NDE1: variants seen among roughly 807,000 people sequenced by gnomAD.
NDE1 encodes nudE neurodevelopment protein 1, also known as nuclear distribution protein nudE homolog 1.
NDE1 carries 28 observed loss-of-function variants against 43.4 expected under a neutral mutation model. The observed-to-expected ratio is 0.65, with a 90% confidence interval of 0.48 to 0.89. The LOEUF (loss-of-function observed/expected upper bound fraction) is 0.89, where lower values mean the gene tolerates loss of function less well. Ranked by LOEUF, NDE1 falls within the 40% of genes least tolerant of loss-of-function variation. The probability of loss-of-function intolerance (pLI) is 0.00; values close to 1 mark genes in which losing one functional copy is unlikely to be tolerated. For synonymous variants in NDE1, 184 were observed against 172.0 expected (o/e 1.07, Z -0.55); for missense variants, 441 against 434.1 (o/e 1.02, Z -0.14).
chr16:15,724,566 C>T lies in NDE1; in HGVS notation c.*315C>T, dbSNP rs1004970305. The T allele has an allele frequency of 1.2e-5, 20 of 1,609,676 alleles. No individual in the cohort carries two copies. The African/African-American group carries it at 2.5e-4, about 20-fold the overall frequency. ...GTCAAGCACCATCGCACCAACACTC[C>T]ACCGCGATCTGCCTGCGGGGGATCT... On this transcript the variant is annotated 3_prime_UTR_variant, in exon 9 of 9. Coordinates refer to ENST00000396354, the MANE Select transcript of NDE1 (RefSeq NM_017668.3).
At position 15,677,781 on chromosome 16, in the gene NDE1, G is replaced by A. The variant is rs768247069; in HGVS notation, c.238-20G>A. 2 of 1,614,016 alleles carry A rather than the reference G, an allele frequency of 1.2e-6. No individual in the cohort carries two copies. The highest frequency in any genetic ancestry group is 2.2e-5 in the South Asian group (2 of 91,082). On this transcript the variant is annotated intron_variant, in intron 3 of 8. Transcript: ENST00000396354. ...TCAGAAGTCTTAAGTCATTCACTCA[G>A]TGTCTGTGTTGTCCTTCAGGAGAAG...
chr16:15,643,611 C>T, exon 1 of NDE1: 2 of 274,116 alleles, frequency 7.3e-6, no homozygotes, highest in Non-Finnish European at 1.4e-5. Flanking sequence ...CGTGATGGTC[C>T]TACTTTATTT....
At chr16:15,678,057 C>T (rs1340120506) in intron 4 of NDE1, 108 bp downstream of exon 4, 5 of 1,380,214 alleles carry the variant, frequency 3.6e-6, no homozygotes, top group Non-Finnish European at 5.1e-6. Flanking sequence ...AAGCAGTGAG[C>T]AGAACAAAGC....
chr16:15,703,031 G>A (rs940071336), intron 8 of NDE1: 1 of 171,520 alleles, frequency 5.8e-6, no homozygotes, highest in East Asian at 1.1e-4. Context: ...CATTCATGAC[G>A]TTAACCCTGA....
intron 8 of NDE1, among the ~76,000 whole-genome samples, chr16:15,707,424 C>A (rs1225469162): frequency 6.6e-6 from 1 of 152,174 alleles, no homozygotes; most frequent in Non-Finnish European, 1.5e-5. Flanking sequence ...CTCAGTTTCC[C>A]ACTGACCAGT....
intron 5 of NDE1, among the ~76,000 whole-genome samples, 163 bp from the exon 6 acceptor site, chr16:15,690,981 T>C (rs938715078): frequency 5.3e-5 from 8 of 152,116 alleles, no homozygotes; most frequent in Non-Finnish European, 1.2e-4. Context: ...CTAATTTTTG[T>C]ATTTTCAATA....
At chr16:15,669,648 C>G (rs2037492659) in intron 3 of NDE1, among the ~76,000 whole-genome samples, 1 of 152,152 alleles carries the variant, frequency 6.6e-6, no homozygotes, top group Non-Finnish European at 1.5e-5. Context: ...GTGTGAGCCA[C>G]CACGCCCGGC....
intron 3 of NDE1, among the ~76,000 whole-genome samples, chr16:15,675,424 GT>G (rs11352866): frequency 0.58 from 78,973 of 136,268 alleles, 22,092 homozygotes; most frequent in South Asian, 0.7. Context: ...GTGATTTTGG[GT>G]TTTTTTTTTT....
At chr16:15,684,378 A>G (rs2038328165) in intron 4 of NDE1, 1 of 152,130 alleles carries the variant, frequency 6.6e-6, no homozygotes. Context: ...GCATCACCTG[A>G]AGTCGGGAGT....
In NDE1 at chr16:15,724,763, C is replaced by G. The variant is rs139377348; in HGVS notation, c.*512C>G. Reference sequence around the variant, plus strand: ...TCCAGCTGGCGCAGCTTCGTAGACACGTTGAGCTTCTGCCGGGTTTCTTCT... The same window carrying G: ...TCCAGCTGGCGCAGCTTCGTAGACAGGTTGAGCTTCTGCCGGGTTTCTTCT... On this transcript the variant is annotated 3_prime_UTR_variant, in exon 9 of 9. Coordinates refer to ENST00000396354, the MANE Select transcript of NDE1 (RefSeq NM_017668.3). The G allele has an allele frequency of 1.1e-5, 17 of 1,614,006 alleles. No individual in the cohort carries two copies. Among genetic ancestry groups the G allele is most frequent in the Non-Finnish European group, 1.4e-5 (16 of 1,180,032 alleles).
intron 8 of NDE1, chr16:15,699,480 AAAACAAAC>A: frequency 9.2e-7 from 1 of 1,082,322 alleles, no homozygotes; most frequent in Non-Finnish European, 1.2e-6. Flanking sequence ...CGTAGGCTGT[AAAACAAAC>A]AAACAATAGG....
chr16:15,717,672 T>C (rs1172424172), intron 8 of NDE1: 1 of 431,132 alleles, frequency 2.3e-6, no homozygotes, highest in East Asian at 4.8e-5. Context: ...GGCACGTGCC[T>C]GTAGTCCCAG....
At chr16:15,724,122 C>T (rs369008754) in intron 8 of NDE1, 69 bp from the exon 9 acceptor site, 97 of 1,610,952 alleles carry the variant, frequency 6.0e-5, no homozygotes, top group Non-Finnish European at 7.9e-5. Flanking sequence ...CCCAACCCAG[C>T]GTCCATGGCC....
intron 8 of NDE1, among the ~76,000 whole-genome samples, chr16:15,699,291 ACT>A (rs1257307459): frequency 1.5e-5 from 2 of 133,140 alleles, no homozygotes; most frequent in African/African-American, 2.8e-5. Context: ...ACAGGGTCTC[ACT>A]CTGTCACCCA....
intron 5 of NDE1, 117 bp downstream of exon 5, chr16:15,687,628 C>T (rs1689244568): frequency 9.8e-7 from 1 of 1,016,914 alleles, no homozygotes; most frequent in Admixed American, 1.7e-5. Context: ...TGCTCTGCAC[C>T]CAGGTTGTCT....
chr16:15,721,685 C>T (rs1461420672), intron 8 of NDE1: 1 of 1,592,000 alleles, frequency 6.3e-7, no homozygotes. Context: ...GGGTCAGCGT[C>T]ACTGAATTGT....
chr16:15,712,188 T>G (rs1024828182), intron 8 of NDE1, among the ~76,000 whole-genome samples: 4 of 152,060 alleles, frequency 2.6e-5, no homozygotes, highest in Non-Finnish European at 4.4e-5. Flanking sequence ...GGGTGCAGCA[T>G]GTTTGGTGTG....
Position 15,664,865 on chromosome 16 carries a change from A to C in NDE1, c.83+4A>C. ...TGGCGATGACCTACAAACAGAGGTC[A>C]GTCCGAGTTCACCTGCTTTTCCTTT... is the stretch of plus-strand genomic sequence containing the variant. On this transcript the variant is annotated splice_donor_region_variant and intron_variant, in intron 2 of 8. Transcript: ENST00000396354. The C allele has an allele frequency of 1.3e-6, 2 of 1,599,242 alleles. No homozygotes were observed. Among genetic ancestry groups the C allele is most frequent in the Non-Finnish European group, 8.6e-7 (1 of 1,168,418 alleles).
At chr16:15,662,988 A>G (rs2037123334) in intron 1 of NDE1, among the ~76,000 whole-genome samples, 1 of 152,122 alleles carries the variant, frequency 6.6e-6, no homozygotes, top group Non-Finnish European at 1.5e-5. Flanking sequence ...AGGAGAGCCC[A>G]TCATATCACA....
Sources: allele counts gnomAD v4.1 joint callset (sites outside exome capture counted in the v4.1 genomes callset), GRCh38; gene constraint gnomAD v4.1.1; transcripts MANE v1.5; gene names NCBI Gene and HGNC (gene_info 2026-07-23, HGNC 2026-07-21).